Variants in ZNF697 observed in about 807,000 individuals in gnomAD.
The protein encoded by ZNF697 is zinc finger protein 697.
Under a neutral mutation model 32.4 loss-of-function variants are expected in ZNF697, and 23 were observed. The observed-to-expected ratio is 0.71, with a 90% CI of 0.51 to 1.01. ZNF697 has a LOEUF of 1.01. ZNF697 is among the 50% of genes least tolerant of loss of function. The pLI is 0.00. For synonymous variants in ZNF697, 418 were observed against 337.2 expected (o/e 1.24, Z -2.62); for missense variants, 930 against 794.0 (o/e 1.17, Z -2.06).
rs1648276722 is a variant in ZNF697 at position 119,620,490 on chromosome 1, C to T, written c.*2215G>A. ...GAGGTAGATGTACATGGAAAGAAAC[C>T]CACAAAGCAGTAAGATTACCTAGAA... On this transcript the variant is annotated 3_prime_UTR_variant, in exon 3 of 3. Transcript: ENST00000421812. The T allele has an allele frequency of 6.6e-6, 1 of 152,488 alleles. No individual in the cohort carries two copies. The highest frequency in any genetic ancestry group is 2.4e-5 in the African/African-American group (1 of 41,386). 9.4% of individuals were successfully genotyped at this position (152,488 alleles called of 1,614,324 possible).
In ZNF697 at chr1:119,624,086, GA is replaced by G; in HGVS notation, c.256del (p.Ser86LeufsTer12). 6.3e-7 allele frequency: 1 copy of G among 1,592,214 alleles called. No homozygotes were observed. Among genetic ancestry groups the G allele is most frequent in the East Asian group, 2.3e-5 (1 of 44,062 alleles). On this transcript the variant is annotated frameshift_variant, in exon 3 of 3. Transcript: ENST00000421812. LOFTEE classifies it low-confidence loss of function (END_TRUNC). ...TTGGTCATCCTCTTCCCCACGGACAGAAACGCCTTCTTCCTCACTCAGCTGC... is the reference window on the plus strand; with the variant it reads ...TTGGTCATCCTCTTCCCCACGGACAGAACGCCTTCTTCCTCACTCAGCTGC... ...EGQLSEEEGV[S>X]VRGEEDDQSG...
At chr1:119,647,320 C>T (rs1180450902) in intron 1 of ZNF697, among the ~76,000 whole-genome samples, 2 of 152,134 alleles carry the variant, frequency 1.3e-5, no homozygotes, top group East Asian at 3.9e-4. Flanking sequence ...GGTGCAGGTT[C>T]CAGCTTTGCC....
At chr1:119,633,826 A>G (rs1648849039) in intron 1 of ZNF697, among the ~76,000 whole-genome samples, 1 of 152,204 alleles carries the variant, frequency 6.6e-6, no homozygotes. Flanking sequence ...ACATACAGAT[A>G]GTTGAATAGA....
intron 1 of ZNF697, among the ~76,000 whole-genome samples, chr1:119,634,116 G>A (rs1648856804): frequency 6.6e-6 from 1 of 152,166 alleles, no homozygotes; most frequent in African/African-American, 2.4e-5. Context: ...TTGCCAGATG[G>A]GGCCAGGTGA....
In ZNF697 at chr1:119,642,650, A is replaced by C. The variant is rs369666528; in HGVS notation, c.-38+5041T>G. 1.1e-4 allele frequency among the ~76,000 whole-genome samples: 16 copies of C among 152,348 alleles called. No homozygotes were observed. In the East Asian group the frequency reaches 2.7e-3, roughly 26 times the overall value. ...CTCATTGTAAAAAATTGTCTGTGCC[A>C]TCATTTTAGGAACAAATTAAAATGA... On this transcript the variant is annotated intron_variant, in intron 1 of 2. Transcript: ENST00000421812.
At chr1:119,627,586 C>T (rs1017558534) in intron 1 of ZNF697, among the ~76,000 whole-genome samples, 2 of 152,224 alleles carry the variant, frequency 1.3e-5, no homozygotes, top group South Asian at 2.1e-4. Context: ...CATTCTAGCA[C>T]ACCCCAAAGA....
intron 1 of ZNF697, among the ~76,000 whole-genome samples, chr1:119,636,844 CATT>C (rs1364816791): frequency 1.3e-5 from 2 of 152,218 alleles, no homozygotes; most frequent in Admixed American, 6.5e-5. Flanking sequence ...CTCCCAGCAT[CATT>C]AGTTCACCTG....
At position 119,621,588 on chromosome 1, in the gene ZNF697, T is replaced by TA. The variant is rs1225265763; in HGVS notation, c.*1116dup. ...CGCGCAGGCAAAAGACATTCTTACTTAGACTAGATCCCTCGTCAATATGCA... is the reference window on the plus strand; with the variant it reads ...CGCGCAGGCAAAAGACATTCTTACTTAAGACTAGATCCCTCGTCAATATGCA... On this transcript the variant is annotated 3_prime_UTR_variant, in exon 3 of 3. Coordinates refer to ENST00000421812, the MANE Select transcript of ZNF697 (RefSeq NM_001080470.2). 1.2e-4 allele frequency: 19 copies of TA among 152,620 alleles called. No individual in the cohort carries two copies. The highest frequency in any genetic ancestry group is 4.6e-4 in the African/African-American group (19 of 41,444). The allele number at this position is 152,620 out of a possible 1,614,324, so 9.5% of individuals were successfully genotyped here.
At chr1:119,638,716 C>T (rs992194531) in intron 1 of ZNF697, among the ~76,000 whole-genome samples, 8 of 152,144 alleles carry the variant, frequency 5.3e-5, no homozygotes, top group Non-Finnish European at 1.2e-4. Context: ...AAATTTGAAC[C>T]TCTCACCCAA....
chr1:119,622,507 G>T lies in ZNF697; in HGVS notation c.*198C>A. Reference sequence around the variant, plus strand: ...ATCTCCTGAACAATTCTTCCGTGGAGAGGAGGCAAGTATAGCACCGGGAAA... The same window carrying T: ...ATCTCCTGAACAATTCTTCCGTGGATAGGAGGCAAGTATAGCACCGGGAAA... On this transcript the variant is annotated 3_prime_UTR_variant, in exon 3 of 3. Transcript: ENST00000421812. 1.0e-6 allele frequency: 1 copy of T among 988,270 alleles called. No homozygotes were observed. The highest frequency in any genetic ancestry group is 1.4e-6 in the Non-Finnish European group (1 of 711,920). 61.2% of individuals were successfully genotyped at this position (988,270 alleles called of 1,614,324 possible).
At chr1:119,631,809 T>C (rs1273170955) in intron 1 of ZNF697, among the ~76,000 whole-genome samples, 1 of 151,920 alleles carries the variant, frequency 6.6e-6, no homozygotes, top group African/African-American at 2.4e-5. Context: ...ATCTCGAGGG[T>C]CCCTTCCCTA....
intron 1 of ZNF697, among the ~76,000 whole-genome samples, chr1:119,641,095 C>G (rs1443766511): frequency 6.6e-6 from 1 of 152,216 alleles, no homozygotes; most frequent in Non-Finnish European, 1.5e-5. Flanking sequence ...ACCAGGAATA[C>G]TTACCACACC....
intron 1 of ZNF697, among the ~76,000 whole-genome samples, chr1:119,638,187 G>A (rs779961885): frequency 6.6e-6 from 1 of 151,970 alleles, no homozygotes; most frequent in Non-Finnish European, 1.5e-5. Context: ...GCCATTTTTT[G>A]GCCAAATAAA....
At position 119,624,113 on chromosome 1, in the gene ZNF697, C is replaced by G; in HGVS notation, c.230G>C (p.Gly77Ala). Reference protein sequence around the residue: ...REAVPDICTEGQLSEEEGVSV... With the variant: ...REAVPDICTEAQLSEEEGVSV... ...AACGCCTTCTTCCTCACTCAGCTGC[C>G]CCTCTGCAACAGAAAAAGGTGGCAG... Residue 77 changes from glycine to alanine, a missense_variant, in exon 3 of 3, where the codon GGG becomes GCG. Physicochemically the swap from Gly to Ala is moderately conservative, Grantham distance 60. Transcript: ENST00000421812. 1 of 1,557,904 alleles carries G rather than the reference C, an allele frequency of 6.4e-7. No homozygotes were observed. The highest frequency in any genetic ancestry group is 8.7e-7 in the Non-Finnish European group (1 of 1,149,730).
chr1:119,630,534 A>G (rs1413683564), intron 1 of ZNF697, among the ~76,000 whole-genome samples: 1 of 152,208 alleles, frequency 6.6e-6, no homozygotes, highest in Non-Finnish European at 1.5e-5. Context: ...CTATCACCCT[A>G]TCACTGGGAA....
intron 2 of ZNF697, among the ~76,000 whole-genome samples, chr1:119,624,998 G>C (rs944995673): frequency 6.7e-6 from 1 of 150,094 alleles, no homozygotes; most frequent in African/African-American, 2.5e-5. Flanking sequence ...GAGGGGGATA[G>C]TAGTGGGGAA....
At chr1:119,642,444 G>A (rs962094197) in intron 1 of ZNF697, among the ~76,000 whole-genome samples, 1 of 152,124 alleles carries the variant, frequency 6.6e-6, no homozygotes, top group Non-Finnish European at 1.5e-5. Context: ...TGAGAGGGGG[G>A]GAGGCTGTAC....
At chr1:119,643,119 G>A (rs1250406199) in intron 1 of ZNF697, among the ~76,000 whole-genome samples, 1 of 152,228 alleles carries the variant, frequency 6.6e-6, no homozygotes, top group Non-Finnish European at 1.5e-5. Flanking sequence ...GTAAGATCCT[G>A]ATAAACTTCT....
At chr1:119,634,791 A>C (rs587758904) in intron 1 of ZNF697, among the ~76,000 whole-genome samples, 1 of 152,362 alleles carries the variant, frequency 6.6e-6, no homozygotes, top group Admixed American at 6.5e-5. Flanking sequence ...TTGAATGCCA[A>C]CTCAAACTTA....
Sources: allele counts gnomAD v4.1 joint callset (sites outside exome capture counted in the v4.1 genomes callset), GRCh38; gene constraint gnomAD v4.1.1; transcripts MANE v1.5; gene names NCBI Gene and HGNC (gene_info 2026-07-23, HGNC 2026-07-21).